PKD2: variants seen among roughly 807,000 people sequenced by gnomAD.
The protein encoded by PKD2 is polycystin-2.
In PKD2, 48 loss-of-function variants were observed where a neutral mutation model predicts 105.9. The observed-to-expected ratio is 0.45, with a 90% CI of 0.36 to 0.58. The LOEUF (loss-of-function observed/expected upper bound fraction) is 0.58, where lower values mean the gene tolerates loss of function less well. PKD2 is among the 20% of genes least tolerant of loss of function. The pLI, the probability that PKD2 is intolerant of heterozygous loss-of-function variation, is 0.00. For synonymous variants in PKD2, 464 were observed against 481.1 expected (o/e 0.96, Z 0.46); for missense variants, 1,078 against 1,255.3 (o/e 0.86, Z 2.13).
intron 6 of PKD2, among the ~76,000 whole-genome samples, chr4:88,047,256 A>G (rs1359942975): frequency 6.6e-6 from 1 of 152,048 alleles, no homozygotes; most frequent in African/African-American, 2.4e-5. Context: ...GTGAAGTTAC[A>G]GCAATAAAAA....
At position 88,043,451 on chromosome 4, in the gene PKD2, T is replaced by C; in HGVS notation, c.1313T>C (p.Val438Ala). ...VYNANINLFC[V>A]VRLLVEFPAT... is the part of the protein sequence containing the mutation. ...AACGCCAACATTAACCTGTTCTGTG[T>C]GGTCAGGTGTGTACTGAGGACATGC... Residue 438 changes from valine (V) to alanine (A), a missense_variant, in exon 5 of 15, where the codon GTG (valine) becomes GCG (alanine). Physicochemically the swap from Val to Ala is moderately conservative, Grantham distance 64. This residue lies in a region of PKD2 where 868 missense variants were observed against 1,067.3 expected (regional missense o/e 0.81). Transcript: ENST00000237596. The C allele has an allele frequency of 6.2e-7, 1 of 1,602,372 alleles. No homozygotes were observed. The highest frequency in any genetic ancestry group is 8.6e-7 in the Non-Finnish European group (1 of 1,169,402).
intron 9 of PKD2, 100 bp from the exon 10 acceptor site, chr4:88,061,805 GA>G: frequency 4.5e-5 from 31 of 688,398 alleles, no homozygotes; most frequent in East Asian, 8.2e-5. Flanking sequence ...CTCAGATTAG[GA>G]AAAAAAGGAT....
At chr4:88,051,945 A>G (rs770503297) in intron 6 of PKD2, 46 bp from the exon 7 acceptor site, 42 of 1,107,704 alleles carry the variant, frequency 3.8e-5, no homozygotes, top group Middle Eastern at 2.0e-4. Context: ...GGTAAGTTTC[A>G]TATTTCTAAA....
intron 9 of PKD2, among the ~76,000 whole-genome samples, chr4:88,059,773 A>G (rs559192693): frequency 6.6e-6 from 1 of 152,240 alleles, no homozygotes; most frequent in South Asian, 2.1e-4. Context: ...ACATACATAC[A>G]TACATACATA....
At chr4:88,024,916 C>T (rs1260792069) in intron 2 of PKD2, among the ~76,000 whole-genome samples, 6 of 151,254 alleles carry the variant, frequency 4.0e-5, no homozygotes, top group African/African-American at 1.5e-4. Context: ...GGGTGGATCA[C>T]GAGGTCAGGA....
At chr4:88,011,269 A>G (rs1489928432) in intron 1 of PKD2, among the ~76,000 whole-genome samples, 2 of 151,902 alleles carry the variant, frequency 1.3e-5, no homozygotes, top group African/African-American at 4.8e-5. Context: ...GTTTTTCTGA[A>G]TGTATCAACC....
At chr4:88,023,222 TC>T (rs1467986757) in intron 2 of PKD2, among the ~76,000 whole-genome samples, 2 of 152,218 alleles carry the variant, frequency 1.3e-5, no homozygotes, top group African/African-American at 4.8e-5. Context: ...TGGGGAGGCC[TC>T]AGGAAGCTGT....
At chr4:88,023,107 TAAATA>T (rs869202228) in intron 2 of PKD2, among the ~76,000 whole-genome samples, 1 of 151,232 alleles carries the variant, frequency 6.6e-6, no homozygotes, top group African/African-American at 2.4e-5. Context: ...AATGAATAAA[TAAATA>T]AAATAAATAA....
At position 88,071,924 on chromosome 4, in the gene PKD2, C is replaced by G. The variant is rs377232139; in HGVS notation, c.2523-2888C>G. ...CTTGGGATGTAATTTGCTCCACAGT[C>G]TGATCCACTTAAATTCAGGCCTCTT... is the stretch of plus-strand genomic sequence containing the variant. On this transcript the variant is annotated intron_variant, in intron 13 of 14. Coordinates refer to ENST00000237596, the MANE Select transcript of PKD2 (RefSeq NM_000297.4). 6.3e-4 allele frequency among the ~76,000 whole-genome samples: 94 copies of G among 149,774 alleles called. No individual in the cohort carries two copies. The South Asian group carries it at 9.7e-3, about 15-fold the overall frequency.
chr4:88,012,714 T>C (rs564593302), intron 1 of PKD2, among the ~76,000 whole-genome samples: 2 of 152,142 alleles, frequency 1.3e-5, no homozygotes, highest in African/African-American at 2.4e-5. Flanking sequence ...CATTAAACAG[T>C]AACTCCCTGT....
chr4:88,044,593 A>G (rs1727700281), intron 5 of PKD2, among the ~76,000 whole-genome samples: 1 of 152,220 alleles, frequency 6.6e-6, no homozygotes, highest in Non-Finnish European at 1.5e-5. Flanking sequence ...GAATGTCTGC[A>G]TATATATAAT....
At chr4:88,053,402 T>C (rs1300284990) in intron 7 of PKD2, among the ~76,000 whole-genome samples, 2 of 152,186 alleles carry the variant, frequency 1.3e-5, no homozygotes, top group Non-Finnish European at 1.5e-5. Context: ...GGCTCATGCC[T>C]GTAATTCCAG....
intron 13 of PKD2, among the ~76,000 whole-genome samples, chr4:88,072,006 A>C (rs1413176401): frequency 2.5e-5 from 3 of 121,916 alleles, no homozygotes; most frequent in Non-Finnish European, 4.9e-5. Flanking sequence ...TTTTTGAGAC[A>C]GAGTCTCACT....
At chr4:88,030,686 T>G (rs1247682376) in intron 2 of PKD2, among the ~76,000 whole-genome samples, 2 of 152,220 alleles carry the variant, frequency 1.3e-5, no homozygotes, top group African/African-American at 4.8e-5. Flanking sequence ...GGCCCCCTCC[T>G]TCGAGTTGTG....
At chr4:88,074,588 C>G (rs528663773) in intron 13 of PKD2, among the ~76,000 whole-genome samples, 3 of 152,284 alleles carry the variant, frequency 2.0e-5, no homozygotes, top group South Asian at 2.1e-4. Flanking sequence ...GGCATACATT[C>G]TTAAGACTTC....
At chr4:88,025,179 C>A (rs183181140) in intron 2 of PKD2, among the ~76,000 whole-genome samples, 2 of 152,070 alleles carry the variant, frequency 1.3e-5, no homozygotes, top group East Asian at 3.9e-4. Context: ...AATCCATGGG[C>A]AGGCACAGTG....
rs538361295 is a variant in PKD2, at chr4:88,043,201, A to G, written c.1095-32A>G. The G allele has an allele frequency of 2.7e-5, 37 of 1,358,066 alleles. No homozygotes were observed. The East Asian group carries it at 8.0e-4, about 29-fold the overall frequency. 84.1% of individuals were successfully genotyped at this position (1,358,066 alleles called of 1,614,324 possible). On this transcript the variant is annotated intron_variant, in intron 4 of 14. Transcript: ENST00000237596. ...TGCCTCAAGTGTTCCACTGATTGTAACTGTTTGTTTTTTGGTTTTGTTTTT... is the reference window on the plus strand; with the variant it reads ...TGCCTCAAGTGTTCCACTGATTGTAGCTGTTTGTTTTTTGGTTTTGTTTTT...
chr4:88,070,949 A>G (rs949981296), intron 13 of PKD2, among the ~76,000 whole-genome samples: 19 of 151,666 alleles, frequency 1.3e-4, no homozygotes, highest in Admixed American at 1.2e-3. Flanking sequence ...TTTTTTATTT[A>G]TTATACTTTT....
chr4:88,056,987 T>TTTTG (rs1560620932), intron 8 of PKD2, among the ~76,000 whole-genome samples: 8 of 151,984 alleles, frequency 5.3e-5, no homozygotes, highest in Admixed American at 2.6e-4. Flanking sequence ...GTTTTGTTTT[T>TTTTG]TTTTGTTTTG....
Sources: gnomAD v4.1 joint callset for allele counts (sites outside exome capture counted in the v4.1 genomes callset) on GRCh38, gnomAD v4.1.1 for gene constraint, gnomAD v4.1.1 regional missense constraint, MANE v1.5 for transcripts, NCBI Gene and HGNC (gene_info 2026-07-23, HGNC 2026-07-21) for gene names.